The following RHD variants were observed in gnomAD, a reference collection of about 807,000 sequenced individuals.
The protein encoded by RHD is Rh blood group D antigen.
RHD carries 16 observed loss-of-function variants against 45.5 expected under a neutral mutation model. The ratio of observed to expected loss-of-function variants is 0.35; its 90% CI spans 0.24 to 0.53. The LOEUF is 0.53. RHD is among the 20% of genes least tolerant of loss of function. RHD has a pLI of 0.92. For missense variants in RHD, 306 were observed against 532.0 expected (o/e 0.58, Z 4.18); for synonymous variants, 131 against 217.5 (o/e 0.60, Z 3.50).
intron 3 of RHD, among the ~76,000 whole-genome samples, chr1:25,295,852 T>TTTTTTG (rs1557534424): frequency 2.6e-5 from 1 of 37,924 alleles, no homozygotes. Flanking sequence ...TATGGGAAAT[T>TTTTTTG]TTTTTTTTTT....
chr1:25,292,649 G>A (rs11485789), intron 3 of RHD, among the ~76,000 whole-genome samples: 3,762 of 129,794 alleles, frequency 0.029, 596 homozygotes, highest in African/African-American at 0.091. Flanking sequence ...GGTTAAGGTT[G>A]GGGGAGGGGG....
At chr1:25,299,455 C>T (rs2124669477) in intron 3 of RHD, among the ~76,000 whole-genome samples, 1 of 131,026 alleles carries the variant, frequency 7.6e-6, no homozygotes, top group South Asian at 2.3e-4. Context: ...CTTAGACACC[C>T]TCTACAGACA....
rs1265222311 is a variant in RHD, at chr1:25,292,634, G to A, written c.486+1843G>A. On this transcript the variant is annotated intron_variant, in intron 3 of 9. Coordinates refer to ENST00000328664, the MANE Select transcript of RHD (RefSeq NM_016124.6). ...AGAGTTCAGTGTCGAATGTGGTAGC[G>A]TTAGGGTTAAGGTTGGGGGAGGGGG... 1.5e-5 allele frequency among the ~76,000 whole-genome samples: 2 copies of A among 129,450 alleles called. 1 individual carries two copies. Among genetic ancestry groups the A allele is most frequent in the Non-Finnish European group, 3.7e-5 (2 of 54,638 alleles). 84.9% of individuals were successfully genotyped at this position (129,450 alleles called of 152,430 possible). A position where few individuals can be genotyped will look rare whatever the true frequency, so the allele number is the denominator to read the frequency against.
intron 6 of RHD, among the ~76,000 whole-genome samples, chr1:25,305,745 C>A (rs191493067): frequency 7.7e-6 from 1 of 129,500 alleles, no homozygotes; most frequent in African/African-American, 2.7e-5. Flanking sequence ...GGTCTACAGG[C>A]GCCCACCACC....
rs1346306913 is a variant in RHD, at chr1:25,297,855, C to A, written c.487-3091C>A. Among the ~76,000 whole-genome samples the A allele has an allele frequency of 1.3e-4, 17 of 131,274 alleles. 1 individual carries two copies. The highest frequency in any genetic ancestry group is 4.1e-3 in the Middle Eastern group (1 of 244). The allele number at this position is 131,274 out of a possible 152,430, so 86.1% of individuals were successfully genotyped here. ...GACAGTTTTAAAAAACAAACAAACA[C>A]AAAGAACCTCCAAGGGCAGGAGGTG... On this transcript the variant is annotated intron_variant, in intron 3 of 9. Coordinates refer to ENST00000328664, the MANE Select transcript of RHD (RefSeq NM_016124.6).
chr1:25,278,868 G>T (rs573899813), intron 1 of RHD, among the ~76,000 whole-genome samples: 1 of 128,608 alleles, frequency 7.8e-6, no homozygotes, highest in East Asian at 2.0e-4. Flanking sequence ...GAGAGTCGCC[G>T]GTAGAGTAGA....
chr1:25,287,472 G>A (rs1255318378), intron 2 of RHD, among the ~76,000 whole-genome samples: 1 of 135,066 alleles, frequency 7.4e-6, no homozygotes, highest in African/African-American at 2.6e-5. Flanking sequence ...CTTCCTGACC[G>A]GTTCCCGTCA....
intron 1 of RHD, among the ~76,000 whole-genome samples, chr1:25,281,316 C>A (rs548912187): frequency 7.7e-6 from 1 of 129,570 alleles, no homozygotes; most frequent in African/African-American, 2.7e-5. Context: ...TACAATTCTC[C>A]TCTGGGCCCG....
chr1:25,320,507 G>A (rs1227350292), intron 8 of RHD, among the ~76,000 whole-genome samples: 1 of 132,208 alleles, frequency 7.6e-6, no homozygotes, highest in South Asian at 2.3e-4. Flanking sequence ...GTTGTACCCT[G>A]CATGCCAATA....
Position 25,279,047 on chromosome 1 carries a change from G to A in RHD, c.149-5526G>A, listed in dbSNP as rs1488234207. On this transcript the variant is annotated intron_variant, in intron 1 of 9. Transcript: ENST00000328664. ...CAGGCCAGAAGGAGGGGCAAGAGTG[G>A]GAGGGGGCGCAGATCCAGAATCACG... 2.3e-5 allele frequency among the ~76,000 whole-genome samples: 3 copies of A among 129,902 alleles called. No homozygotes were observed. In the East Asian group the frequency reaches 5.9e-4, roughly 25 times the overall value. 85.2% of individuals were successfully genotyped at this position (129,902 alleles called of 152,430 possible). A position where few individuals can be genotyped will look rare whatever the true frequency, so the allele number is the denominator to read the frequency against.
intron 7 of RHD, among the ~76,000 whole-genome samples, chr1:25,315,527 C>T (rs28638407): frequency 0.036 from 4,203 of 115,626 alleles, 602 homozygotes; most frequent in African/African-American, 0.12. Context: ...GATGGAGTCT[C>T]GCTGTGTTGC....
chr1:25,310,248 T>C lies in RHD; in HGVS notation c.1073+3519T>C, dbSNP rs1644068597. 2.2e-5 allele frequency among the ~76,000 whole-genome samples: 3 copies of C among 133,446 alleles called. 1 individual carries two copies. The highest frequency in any genetic ancestry group is 1.9e-4 in the East Asian group (1 of 5,136). The allele number at this position is 133,446 out of a possible 152,430, so 87.5% of individuals were successfully genotyped here. On this transcript the variant is annotated intron_variant, in intron 7 of 9. Transcript: ENST00000328664. The stretch of plus-strand genomic sequence containing the variant: ...CTTAATCCTTCAATTCATATGTTGA[T>C]GGTTTTTGGAGGAAGGGCCTTTGGG...
At chr1:25,290,557 ATG>A (rs1642402321) in intron 2 of RHD, 82 bp from the exon 3 acceptor site, 5 of 932,770 alleles carry the variant, frequency 5.4e-6, no homozygotes, top group Non-Finnish European at 6.7e-6. Context: ...TGTTGAAAGA[ATG>A]AATGAATGAA....
At chr1:25,307,819 G>A (rs1193401523) in intron 7 of RHD, 2 of 1,302,964 alleles carry the variant, frequency 1.5e-6, no homozygotes, top group South Asian at 1.3e-5. Context: ...ATCAGTGGGT[G>A]AGACATCCTT....
In RHD at chr1:25,291,686, A is replaced by G. The variant is rs1212569617; in HGVS notation, c.486+895A>G. Among the ~76,000 whole-genome samples the G allele has an allele frequency of 3.0e-5, 4 of 132,520 alleles. 1 individual carries two copies. Among genetic ancestry groups the G allele is most frequent in the African/African-American group, 1.0e-4 (4 of 38,814 alleles). The allele number at this position is 132,520 out of a possible 152,430, so 86.9% of individuals were successfully genotyped here. A position where few individuals can be genotyped will look rare whatever the true frequency, so the allele number is the denominator to read the frequency against. On this transcript the variant is annotated intron_variant, in intron 3 of 9. Coordinates refer to ENST00000328664, the MANE Select transcript of RHD (RefSeq NM_016124.6). ...AGCCTCACCAGCAGTGGGTCCAGCA[A>G]GTTTGTACAGCCAGCATCTTCTTTC...
Position 25,305,853 on chromosome 1 carries a change from C to T in RHD, c.940-743C>T, listed in dbSNP as rs1332414664. Among the ~76,000 whole-genome samples, 79 of 131,180 alleles carry T rather than the reference C, an allele frequency of 6.0e-4. 21 individuals carry two copies. The highest frequency in any genetic ancestry group is 5.2e-4 in the Admixed American group (7 of 13,486). The allele number at this position is 131,180 out of a possible 152,430, so 86.1% of individuals were successfully genotyped here. ...CCGACTTCAGGTGATCCACCCATGTCGGCCTCCCAAAGTGCTGGGATTACA... is the reference window on the plus strand; with the variant it reads ...CCGACTTCAGGTGATCCACCCATGTTGGCCTCCCAAAGTGCTGGGATTACA... On this transcript the variant is annotated intron_variant, in intron 6 of 9. Transcript: ENST00000328664.
In RHD at chr1:25,307,850, G is replaced by A; in HGVS notation, c.1073+1121G>A. ...TCCTTGCTTGGGATGAGGAGGGGAT[G>A]AGCTGTGTGAAGCAAGGCGCCTCTG... is the stretch of plus-strand genomic sequence containing the variant. On this transcript the variant is annotated intron_variant, in intron 7 of 9. Coordinates refer to ENST00000328664, the MANE Select transcript of RHD (RefSeq NM_016124.6). The A allele has an allele frequency of 2.3e-6, 3 of 1,294,842 alleles. 1 individual carries two copies. Among genetic ancestry groups the A allele is most frequent in the South Asian group, 2.6e-5 (2 of 77,980 alleles). The allele number at this position is 1,294,842 out of a possible 1,614,324, so 80.2% of individuals were successfully genotyped here.
intron 1 of RHD, among the ~76,000 whole-genome samples, chr1:25,282,316 C>A (rs1301850812): frequency 7.6e-6 from 1 of 131,360 alleles, no homozygotes; most frequent in Non-Finnish European, 1.8e-5. Flanking sequence ...CTCACTGCAA[C>A]CTCTGCCTCC....
Position 25,314,552 on chromosome 1 carries a change from G to C in RHD, c.1074-2448G>C, listed in dbSNP as rs1203578316. Among the ~76,000 whole-genome samples, 3 of 132,514 alleles carry C rather than the reference G, an allele frequency of 2.3e-5. 1 individual carries two copies. The highest frequency in any genetic ancestry group is 5.4e-5 in the Non-Finnish European group (3 of 55,910). The allele number at this position is 132,514 out of a possible 152,430, so 86.9% of individuals were successfully genotyped here. A position where few individuals can be genotyped will look rare whatever the true frequency, so the allele number is the denominator to read the frequency against. ...TCTGTCACCCAGGCTGGAATGCAGT[G>C]GCGCTATCTCAGCCCACTACAACCT... On this transcript the variant is annotated intron_variant, in intron 7 of 9. Coordinates refer to ENST00000328664, the MANE Select transcript of RHD (RefSeq NM_016124.6).
Sources: gnomAD v4.1 joint callset for allele counts (sites outside exome capture counted in the v4.1 genomes callset) on GRCh38, gnomAD v4.1.1 for gene constraint, MANE v1.5 for transcripts, NCBI Gene and HGNC (gene_info 2026-07-23, HGNC 2026-07-21) for gene names.